Variants in BAIAP2 observed in about 807,000 individuals in gnomAD.
The protein encoded by BAIAP2 is BAR/IMD domain containing adaptor protein 2, also known as BAR/IMD domain-containing adapter protein 2.
A neutral mutation model predicts 63.0 loss-of-function variants in BAIAP2; 18 were observed. The observed-to-expected ratio is 0.29, with a 90% CI of 0.20 to 0.42. BAIAP2 has a LOEUF of 0.42. Ranked by LOEUF, BAIAP2 falls within the 10% of genes least tolerant of loss-of-function variation. BAIAP2 has a pLI of 1.00. For synonymous variants in BAIAP2, 386 were observed against 307.6 expected (o/e 1.25, Z -2.67); for missense variants, 610 against 734.3 (o/e 0.83, Z 1.96).
chr17:81,103,846 TC>T, intron 8 of BAIAP2, 60 bp from the exon 9 acceptor site: 1 of 1,601,118 alleles, frequency 6.2e-7, no homozygotes, highest in South Asian at 1.1e-5. Context: ...GGGTTCTCTT[TC>T]CCCCTGGTCT....
intron 6 of BAIAP2, among the ~76,000 whole-genome samples, chr17:81,093,581 G>A (rs917178643): frequency 6.6e-6 from 1 of 152,050 alleles, no homozygotes; most frequent in Non-Finnish European, 1.5e-5. Context: ...CCGTAGCACC[G>A]GCAGGATCAT....
chr17:81,038,174 G>A (rs1282156066), intron 1 of BAIAP2, among the ~76,000 whole-genome samples: 1 of 152,252 alleles, frequency 6.6e-6, no homozygotes, highest in East Asian at 1.9e-4. Flanking sequence ...GAGGGATGGA[G>A]TGCTGGAATC....
At chr17:81,056,605 C>T in intron 2 of BAIAP2, 1 of 152,558 alleles carries the variant, frequency 6.6e-6, no homozygotes, top group Non-Finnish European at 1.5e-5. Context: ...CCCTTTGATG[C>T]CACCAAGGCG....
chr17:81,048,174 C>T (rs893872658), intron 1 of BAIAP2, among the ~76,000 whole-genome samples: 13 of 152,158 alleles, frequency 8.5e-5, no homozygotes, highest in Admixed American at 3.3e-4. Flanking sequence ...CGCTTGAGGT[C>T]GGGAGTTCGA....
At chr17:81,053,561 C>T (rs2049007306) in intron 1 of BAIAP2, 107 bp from the exon 2 acceptor site, 1 of 1,208,200 alleles carries the variant, frequency 8.3e-7, no homozygotes, top group Non-Finnish European at 1.2e-6. Flanking sequence ...TGGTGTCGAC[C>T]CCCAGGAGGG....
intron 1 of BAIAP2, among the ~76,000 whole-genome samples, chr17:81,050,984 C>T (rs961844729): frequency 2.6e-5 from 4 of 151,860 alleles, no homozygotes; most frequent in African/African-American, 7.3e-5. Context: ...GCACCAGGTC[C>T]CAGCATTCTC....
intron 1 of BAIAP2, among the ~76,000 whole-genome samples, chr17:81,047,759 C>T (rs1188278170): frequency 6.6e-6 from 1 of 151,896 alleles, no homozygotes; most frequent in African/African-American, 2.4e-5. Flanking sequence ...ACATGCAGCT[C>T]ATGCCCACAG....
At chr17:81,086,727 G>A (rs947893278) in intron 6 of BAIAP2, 147 bp downstream of exon 6, 2 of 936,374 alleles carry the variant, frequency 2.1e-6, no homozygotes, top group African/African-American at 1.7e-5. Context: ...GACCTCGGGA[G>A]CGGTGGGCCT....
chr17:81,107,416 C>T (rs1175436784), intron 12 of BAIAP2: 3 of 154,646 alleles, frequency 1.9e-5, no homozygotes, highest in East Asian at 1.9e-4. Context: ...GCCGGGAGGC[C>T]AGAGGTGGAG....
chr17:81,095,883 G>C (rs981220278), intron 6 of BAIAP2, among the ~76,000 whole-genome samples: 1 of 152,062 alleles, frequency 6.6e-6, no homozygotes, highest in Non-Finnish European at 1.5e-5. Flanking sequence ...GGAGGCTGCC[G>C]TACCCTGCTA....
At chr17:81,049,811 C>G (rs1375425552) in intron 1 of BAIAP2, among the ~76,000 whole-genome samples, 2 of 152,252 alleles carry the variant, frequency 1.3e-5, no homozygotes, top group Non-Finnish European at 2.9e-5. Context: ...GGACCAGGAC[C>G]TTGGCCTGAT....
intron 3 of BAIAP2, among the ~76,000 whole-genome samples, chr17:81,070,508 G>T (rs533734311): frequency 3.9e-5 from 6 of 152,212 alleles, no homozygotes; most frequent in Admixed American, 6.5e-5. Flanking sequence ...GAGGCAAAAG[G>T]TGCTTTGGAG....
At chr17:81,053,619 C>A in intron 1 of BAIAP2, 49 bp from the exon 2 acceptor site, 1 of 1,607,294 alleles carries the variant, frequency 6.2e-7, no homozygotes, top group South Asian at 1.1e-5. Context: ...TTCGGAGTCA[C>A]CAGGGTGACC....
intron 3 of BAIAP2, among the ~76,000 whole-genome samples, chr17:81,072,575 T>C (rs1196752530): frequency 1.3e-5 from 2 of 152,310 alleles, no homozygotes; most frequent in African/African-American, 4.8e-5. Flanking sequence ...TCCTGGCCCC[T>C]GTCCGAGAAG....
chr17:81,072,342 A>G (rs2052834579), intron 3 of BAIAP2, among the ~76,000 whole-genome samples: 2 of 152,220 alleles, frequency 1.3e-5, no homozygotes, highest in African/African-American at 4.8e-5. Context: ...TGACCCATGT[A>G]ATCAGGGAAC....
At chr17:81,050,198 C>T (rs949559495) in intron 1 of BAIAP2, among the ~76,000 whole-genome samples, 8 of 152,342 alleles carry the variant, frequency 5.3e-5, no homozygotes, top group South Asian at 2.1e-4. Flanking sequence ...CCCTTCCGCC[C>T]GCCCGGGAAG....
intron 6 of BAIAP2, among the ~76,000 whole-genome samples, chr17:81,088,184 G>A (rs962816375): frequency 1.4e-4 from 21 of 152,114 alleles, no homozygotes; most frequent in Non-Finnish European, 2.5e-4. Flanking sequence ...TCAGGACAGT[G>A]CAGGTGTGAG....
intron 6 of BAIAP2, among the ~76,000 whole-genome samples, chr17:81,089,135 T>TC (rs1314748537): frequency 1.3e-5 from 2 of 152,264 alleles, no homozygotes; most frequent in African/African-American, 4.8e-5. Flanking sequence ...CTCAAGCCCA[T>TC]CCCACACAGG....
intron 3 of BAIAP2, among the ~76,000 whole-genome samples, chr17:81,077,301 T>C (rs369102198): frequency 2.0e-5 from 3 of 152,220 alleles, no homozygotes; most frequent in East Asian, 1.9e-4. Flanking sequence ...GCATGGCAGC[T>C]CACGCCTGTA....
Sources: gnomAD v4.1 joint callset for allele counts (sites outside exome capture counted in the v4.1 genomes callset) on GRCh38, gnomAD v4.1.1 for gene constraint, MANE v1.5 for transcripts, NCBI Gene and HGNC (gene_info 2026-07-23, HGNC 2026-07-21) for gene names.